THSD7B: variants seen among roughly 807,000 people sequenced by gnomAD.
THSD7B encodes thrombospondin type-1 domain-containing protein 7B.
A neutral mutation model predicts 213.6 loss-of-function variants in THSD7B; 138 were observed. That is an observed-to-expected ratio of 0.65 (90% CI 0.56 to 0.74). The LOEUF (loss-of-function observed/expected upper bound fraction) is 0.74, where lower values mean the gene tolerates loss of function less well. THSD7B is among the 30% of genes least tolerant of loss of function. THSD7B has a pLI of 0.00. For missense variants in THSD7B, 1,931 were observed against 1,991.5 expected (o/e 0.97, Z 0.58); for synonymous variants, 742 against 687.0 (o/e 1.08, Z -1.25).
At chr2:137,528,485 C>G (rs1378444282) in intron 15 of THSD7B, among the ~76,000 whole-genome samples, 1 of 152,068 alleles carries the variant, frequency 6.6e-6, no homozygotes, top group Non-Finnish European at 1.5e-5. Context: ...AAATTAAACA[C>G]ATGATATTTC....
At chr2:136,814,560 G>A (rs1198344012) in intron 1 of THSD7B, among the ~76,000 whole-genome samples, 2 of 151,908 alleles carry the variant, frequency 1.3e-5, no homozygotes, top group African/African-American at 4.8e-5. Context: ...CACCACGCCT[G>A]GCTAATTTTT....
intron 15 of THSD7B, among the ~76,000 whole-genome samples, chr2:137,487,174 C>A (rs1363214094): frequency 6.7e-6 from 1 of 148,624 alleles, no homozygotes; most frequent in African/African-American, 2.6e-5. Context: ...TGAGACCATC[C>A]TGGCTAACAA....
chr2:137,656,667 A>G, intron 22 of THSD7B, 129 bp from the exon 23 acceptor site: 1 of 797,822 alleles, frequency 1.3e-6, no homozygotes, highest in African/African-American at 1.7e-5. Flanking sequence ...AAATTGATCA[A>G]TATAGAATGT....
At position 137,056,758 on chromosome 2, in the gene THSD7B, G is replaced by C. The variant is rs777485945; in HGVS notation, c.478G>C (p.Glu160Gln). The change falls in exon 3 of 28, where the codon GAA becomes CAA. Residue 160 changes from glutamate (E) to glutamine (Q), a missense_variant. Physicochemically the swap from Glu to Gln is conservative, Grantham distance 29. Coordinates refer to ENST00000409968, the MANE Select transcript of THSD7B (RefSeq NM_001316349.2). The stretch of plus-strand genomic sequence containing the variant: ...AACTGTGGTTGCAAATGAAATATGC[G>C]AACACTTTGCCCTTCAGCCTCCTAC... Reference protein sequence around the residue: ...NRTVVANEICEHFALQPPTEQ... With the variant: ...NRTVVANEICQHFALQPPTEQ... 1.2e-6 allele frequency: 2 copies of C among 1,613,804 alleles called. No homozygotes were observed. Among genetic ancestry groups the C allele is most frequent in the African/African-American group, 2.7e-5 (2 of 74,894 alleles).
chr2:136,945,630 T>C (rs925645236), intron 2 of THSD7B, among the ~76,000 whole-genome samples: 1 of 152,220 alleles, frequency 6.6e-6, no homozygotes, highest in African/African-American at 2.4e-5. Context: ...ATTTGGTGTT[T>C]CCTCATAGTG....
chr2:137,340,036 GTGTT>G (rs1684724934), intron 12 of THSD7B, among the ~76,000 whole-genome samples: 1 of 151,738 alleles, frequency 6.6e-6, no homozygotes, highest in Non-Finnish European at 1.5e-5. Flanking sequence ...TACTAGTTCA[GTGTT>G]TGGTACATTG....
intron 12 of THSD7B, among the ~76,000 whole-genome samples, chr2:137,339,046 ATAAAG>A (rs1174601059): frequency 6.6e-6 from 1 of 152,094 alleles, no homozygotes; most frequent in East Asian, 1.9e-4. Context: ...TTTTGATAAC[ATAAAG>A]AAGTAGGAGC....
intron 10 of THSD7B, among the ~76,000 whole-genome samples, chr2:137,250,059 A>AC (rs1386428391): frequency 7.2e-5 from 11 of 152,210 alleles, no homozygotes; most frequent in Non-Finnish European, 1.6e-4. Context: ...CAGTGTTTAA[A>AC]CTTGCTACAT....
At chr2:136,894,401 C>A (rs1208290787) in intron 2 of THSD7B, among the ~76,000 whole-genome samples, 3 of 152,174 alleles carry the variant, frequency 2.0e-5, no homozygotes, top group Non-Finnish European at 2.9e-5. Context: ...TGGTTCAGAG[C>A]ATGGACACTG....
At chr2:137,269,249 T>C (rs1019116136) in intron 10 of THSD7B, among the ~76,000 whole-genome samples, 2 of 152,218 alleles carry the variant, frequency 1.3e-5, no homozygotes, top group Admixed American at 1.3e-4. Flanking sequence ...AGAGGATCCA[T>C]CCTTTTGAAA....
At chr2:137,477,890 G>T (rs1328465070) in intron 15 of THSD7B, among the ~76,000 whole-genome samples, 1 of 151,464 alleles carries the variant, frequency 6.6e-6, no homozygotes, top group South Asian at 2.1e-4. Context: ...TTTTCTTTCA[G>T]CATTTTGAAT....
Position 137,476,696 on chromosome 2 carries a change from C to T in THSD7B, c.3138+25673C>T, listed in dbSNP as rs113205433. The stretch of plus-strand genomic sequence containing the variant: ...AGGGATTCCCTTGCCTCAGCCACCA[C>T]GCCAGGCTAATTTTTGTATTTTTAG... On this transcript the variant is annotated intron_variant, in intron 15 of 27. Coordinates refer to ENST00000409968, the MANE Select transcript of THSD7B (RefSeq NM_001316349.2). Among the ~76,000 whole-genome samples the T allele has an allele frequency of 2.4e-3, 367 of 152,088 alleles. 4 individuals carry two copies. In the East Asian group the frequency reaches 0.05, roughly 21 times the overall value.
intron 1 of THSD7B, among the ~76,000 whole-genome samples, chr2:136,853,049 TGC>T (rs1683125575): frequency 6.6e-6 from 1 of 152,030 alleles, no homozygotes; most frequent in Admixed American, 6.6e-5. Context: ...TGTGTGTGTG[TGC>T]ATGTGCATGT....
At chr2:136,892,857 T>A (rs1418948219) in intron 2 of THSD7B, among the ~76,000 whole-genome samples, 1 of 152,292 alleles carries the variant, frequency 6.6e-6, no homozygotes, top group East Asian at 1.9e-4. Context: ...TTCATACTCT[T>A]CTGTAGGCCC....
intron 1 of THSD7B, among the ~76,000 whole-genome samples, chr2:136,781,572 G>C (rs530469091): frequency 6.6e-6 from 1 of 151,682 alleles, no homozygotes; most frequent in Admixed American, 6.6e-5. Flanking sequence ...GTGCCTGGCC[G>C]CCTACTTACC....
chr2:137,371,005 T>C (rs1297395543), intron 12 of THSD7B, among the ~76,000 whole-genome samples: 1 of 152,160 alleles, frequency 6.6e-6, no homozygotes, highest in Non-Finnish European at 1.5e-5. Context: ...TTTTTGCTTT[T>C]AAAAAATCTT....
At chr2:137,302,563 T>C (rs1180931881) in intron 12 of THSD7B, among the ~76,000 whole-genome samples, 2 of 152,016 alleles carry the variant, frequency 1.3e-5, no homozygotes, top group Non-Finnish European at 2.9e-5. Flanking sequence ...TTGGGAGTAA[T>C]GAAAAGTAAA....
At chr2:137,061,114 G>T (rs537833224) in intron 3 of THSD7B, among the ~76,000 whole-genome samples, 169 of 151,780 alleles carry the variant, frequency 1.1e-3, no homozygotes, top group Non-Finnish European at 1.9e-3. Flanking sequence ...AACATAAATG[G>T]TATTGTGTTT....
intron 2 of THSD7B, chr2:136,906,315 ATTTGTGTGTG>A (rs1286385691): frequency 6.6e-6 from 1 of 152,142 alleles, no homozygotes; most frequent in East Asian, 1.9e-4. Context: ...GATAAAGTAT[ATTTGTGTGTG>A]TTTGTGTATA....
Sources: allele counts gnomAD v4.1 joint callset (sites outside exome capture counted in the v4.1 genomes callset), GRCh38; gene constraint gnomAD v4.1.1; transcripts MANE v1.5; gene names NCBI Gene and HGNC (gene_info 2026-07-23, HGNC 2026-07-21).